ZNF207: variants seen among roughly 807,000 people sequenced by gnomAD.
ZNF207 encodes BUB3-interacting and GLEBS motif-containing protein ZNF207.
Under a neutral mutation model 60.2 loss-of-function variants are expected in ZNF207, and 24 were observed. The observed-to-expected ratio is 0.40, with a 90% CI of 0.29 to 0.56. The LOEUF (loss-of-function observed/expected upper bound fraction) is 0.56. Among genes scored for constraint, ZNF207 ranks in the 20% least tolerant of loss-of-function variants. The probability of loss-of-function intolerance (pLI) is 0.49; values close to 1 mark genes in which losing one functional copy is unlikely to be tolerated. For missense variants in ZNF207, 452 were observed against 636.6 expected (o/e 0.71, Z 3.12); for synonymous variants, 236 against 194.7 (o/e 1.21, Z -1.77).
rs1353692806 is a variant in ZNF207, at chr17:32,350,278, A to G, written c.-8A>G. On this transcript the variant is annotated 5_prime_UTR_variant, in exon 1 of 12. Coordinates refer to ENST00000394670, the MANE Select transcript of ZNF207 (RefSeq NM_001098507.2). The stretch of plus-strand genomic sequence containing the variant: ...TCCTCCCTTTTACTTTGCCGGTAGA[A>G]CACAGTTATGGGTCGCAAGAAGAAG... 1 of 1,613,876 alleles carries G rather than the reference A, an allele frequency of 6.2e-7. No individual in the cohort carries two copies.
rs184501044 is a variant in ZNF207 at position 32,357,524 on chromosome 17, T to C, written c.169-979T>C. ...CCACCATGCCCGGCTAATTTTTGTA[T>C]TTTTAGTAGAGATGGGGTTTCACCA... On this transcript the variant is annotated intron_variant, in intron 2 of 11. Coordinates refer to ENST00000394670, the MANE Select transcript of ZNF207 (RefSeq NM_001098507.2). 7.6e-3 allele frequency among the ~76,000 whole-genome samples: 1,151 copies of C among 151,420 alleles called. 17 individuals carry two copies. The highest frequency in any genetic ancestry group is 0.027 in the African/African-American group (1,099 of 41,296).
chr17:32,356,139 A>G (rs932589465), intron 2 of ZNF207, among the ~76,000 whole-genome samples: 6 of 152,330 alleles, frequency 3.9e-5, no homozygotes, highest in African/African-American at 1.2e-4. Context: ...AGACATTATT[A>G]GTAAGTTAGG....
rs1286844166 is a variant in ZNF207, at chr17:32,369,580, T to A, written c.1325-19T>A. ...GCGTTAACAATCTATTTTTTTGTGT[T>A]TGAAATTCTTGATTTTAGGTCAGTA... On this transcript the variant is annotated intron_variant, in intron 11 of 11. Coordinates refer to ENST00000394670, the MANE Select transcript of ZNF207 (RefSeq NM_001098507.2). 1 of 1,561,114 alleles carries A rather than the reference T, an allele frequency of 6.4e-7. No homozygotes were observed. Among genetic ancestry groups the A allele is most frequent in the East Asian group, 2.3e-5 (1 of 44,348 alleles).
In ZNF207 at chr17:32,380,692, TAAATTGAGAGAA is replaced by T. The variant is rs1905847230; in HGVS notation, c.*10936_*10947del. ...GATTTGCAGTTTTTAAAGCAGTTTT[TAAATTGAGAGAA>T]AAGGGGCTGGGCCCAGCTGAGGCGG... On this transcript the variant is annotated 3_prime_UTR_variant, in exon 12 of 12. Coordinates refer to ENST00000394670, the MANE Select transcript of ZNF207 (RefSeq NM_001098507.2). 1 of 152,212 alleles carries T rather than the reference TAAATTGAGAGAA, an allele frequency of 6.6e-6. No individual in the cohort carries two copies. The highest frequency in any genetic ancestry group is 1.5e-5 in the Non-Finnish European group (1 of 68,038). 9.4% of individuals were successfully genotyped at this position (152,212 alleles called of 1,614,324 possible). A position where few individuals can be genotyped will look rare whatever the true frequency, so the allele number is the denominator to read the frequency against.
chr17:32,363,077 A>G (rs894099801), intron 7 of ZNF207, 93 bp downstream of exon 7: 1 of 1,193,522 alleles, frequency 8.4e-7, no homozygotes, highest in African/African-American at 1.6e-5. Context: ...ATGAAATTTA[A>G]AAATTTTTGA....
intron 1 of ZNF207, chr17:32,351,551 G>C (rs557314862): frequency 6.5e-7 from 1 of 1,530,462 alleles, no homozygotes; most frequent in African/African-American, 1.4e-5. Flanking sequence ...GTATATTGCT[G>C]ATTATTGAGA....
chr17:32,360,470 A>T, intron 3 of ZNF207, 128 bp from the exon 4 acceptor site: 1 of 832,944 alleles, frequency 1.2e-6, no homozygotes. Context: ...GAGCAGTATT[A>T]ATTGAATTTT....
At chr17:32,352,617 C>G (rs951714527) in intron 2 of ZNF207, among the ~76,000 whole-genome samples, 1 of 152,216 alleles carries the variant, frequency 6.6e-6, no homozygotes, top group Non-Finnish European at 1.5e-5. Context: ...ATTGAAGGAT[C>G]TGTTATTATC....
chr17:32,350,982 T>C (rs2041495585), intron 1 of ZNF207: 2 of 152,308 alleles, frequency 1.3e-5, no homozygotes, highest in Admixed American at 6.6e-5. Context: ...GCCTATCTTA[T>C]TAGGAAAACT....
Position 32,350,324 on chromosome 17 carries a change from C to G in ZNF207, c.39C>G (p.Cys13Trp). The change falls in exon 1 of 12, where the codon TGC becomes TGG. Residue 13 changes from cysteine (C) to tryptophan (W), a missense_variant and splice_region_variant. By Grantham distance (215) the Cys-to-Trp change is radical. Transcript: ENST00000394670. ...RKKKKQLKPW[C>W]WYCNRDFDDE... ...AGAAGAAGCAGCTGAAGCCGTGGTG[C>G]TGGTATCCTTTGTCGGTTTGAAGTC... 6.2e-7 allele frequency: 1 copy of G among 1,614,084 alleles called. No homozygotes were observed.
chr17:32,360,184 C>T (rs1272790792), intron 3 of ZNF207, among the ~76,000 whole-genome samples: 17 of 113,088 alleles, frequency 1.5e-4, no homozygotes, highest in Admixed American at 1.4e-3. Flanking sequence ...TTACCCCCCC[C>T]CCAAAAAAAA....
intron 7 of ZNF207, among the ~76,000 whole-genome samples, chr17:32,363,886 G>GGTA (rs1905026385): frequency 6.6e-6 from 1 of 152,070 alleles, no homozygotes; most frequent in Non-Finnish European, 1.5e-5. Flanking sequence ...ACAAAAAAGT[G>GGTA]GTAGATTCAG....
intron 2 of ZNF207, among the ~76,000 whole-genome samples, chr17:32,354,180 A>G (rs190082352): frequency 9.2e-5 from 14 of 152,220 alleles, no homozygotes; most frequent in East Asian, 3.9e-4. Context: ...GGGTCTCACT[A>G]TGTTGCACAG....
intron 1 of ZNF207, chr17:32,351,056 TTTTA>T (rs2041497211): frequency 6.5e-6 from 1 of 153,712 alleles, no homozygotes; most frequent in Non-Finnish European, 1.4e-5. Flanking sequence ...TTAAAATTGA[TTTTA>T]TTTACTGTTT....
intron 9 of ZNF207, among the ~76,000 whole-genome samples, chr17:32,367,172 A>G (rs1161785756): frequency 1.4e-5 from 2 of 147,184 alleles, no homozygotes; most frequent in Non-Finnish European, 3.0e-5. Flanking sequence ...TTGCTACTTT[A>G]AAAGATCCTG....
intron 2 of ZNF207, among the ~76,000 whole-genome samples, chr17:32,353,183 A>G (rs1322761749): frequency 6.6e-6 from 1 of 152,108 alleles, no homozygotes; most frequent in African/African-American, 2.4e-5. Flanking sequence ...CAATAATAAT[A>G]ATAATGACAA....
chr17:32,351,799 G>T lies in ZNF207; in HGVS notation c.55G>T (p.Asp19Tyr), dbSNP rs776006140. Reference sequence around the variant, plus strand: ...AGTATTGATCAGGTATTGTAATAGAGATTTTGATGATGAGAAGATCCTTAT... The same window carrying T: ...AGTATTGATCAGGTATTGTAATAGATATTTTGATGATGAGAAGATCCTTAT... ...LKPWCWYCNR[D>Y]FDDEKILIQH... The change falls in exon 2 of 12, where the codon GAT becomes TAT. Residue 19 changes from aspartate to tyrosine, a missense_variant. This residue lies in a region of ZNF207 where 62 missense variants were observed against 175.3 expected (regional missense o/e 0.35). Coordinates refer to ENST00000394670, the MANE Select transcript of ZNF207 (RefSeq NM_001098507.2). 1 of 1,610,414 alleles carries T rather than the reference G, an allele frequency of 6.2e-7. No individual in the cohort carries two copies. Among genetic ancestry groups the T allele is most frequent in the South Asian group, 1.1e-5 (1 of 90,438 alleles).
rs751983312 is a variant in ZNF207 at position 32,369,281 on chromosome 17, A to G, written c.1165-14A>G. On this transcript the variant is annotated splice_polypyrimidine_tract_variant and intron_variant, in intron 10 of 11. Transcript: ENST00000394670. Reference sequence around the variant, plus strand: ...CATTCGAGTATTTAGCCCTGCGCTTATTTTTATTCCCAGGAAGAGAGAAGG... The same window carrying G: ...CATTCGAGTATTTAGCCCTGCGCTTGTTTTTATTCCCAGGAAGAGAGAAGG... The G allele has an allele frequency of 1.2e-6, 2 of 1,612,656 alleles. No individual in the cohort carries two copies. Among genetic ancestry groups the G allele is most frequent in the African/African-American group, 2.7e-5 (2 of 74,824 alleles).
At chr17:32,365,687 G>T in intron 8 of ZNF207, 200 bp downstream of exon 8, 1 of 297,242 alleles carries the variant, frequency 3.4e-6, no homozygotes, top group Non-Finnish European at 5.6e-6. Context: ...GTTGAACGGA[G>T]CCAAAGTTAG....
Sources: gnomAD v4.1 joint callset for allele counts (sites outside exome capture counted in the v4.1 genomes callset) on GRCh38, gnomAD v4.1.1 for gene constraint, gnomAD v4.1.1 regional missense constraint, MANE v1.5 for transcripts, NCBI Gene and HGNC (gene_info 2026-07-23, HGNC 2026-07-21) for gene names.